The following HSPA12A variants were observed in gnomAD, a reference collection of about 807,000 sequenced individuals.
HSPA12A encodes the protein heat shock 70 kDa protein 12A.
A neutral mutation model predicts 69.2 loss-of-function variants in HSPA12A; 28 were observed. The observed-to-expected ratio is 0.40, with a 90% CI of 0.30 to 0.55. The LOEUF (loss-of-function observed/expected upper bound fraction) is 0.55, where lower values mean the gene tolerates loss of function less well. Among genes scored for constraint, HSPA12A ranks in the 20% least tolerant of loss-of-function variants. The pLI is 0.38. For synonymous variants in HSPA12A, 345 were observed against 370.5 expected (o/e 0.93, Z 0.79); for missense variants, 686 against 900.7 (o/e 0.76, Z 3.05).
intron 2 of HSPA12A, among the ~76,000 whole-genome samples, chr10:116,776,548 T>C (rs1844342904): frequency 6.6e-6 from 1 of 152,192 alleles, no homozygotes; most frequent in Non-Finnish European, 1.5e-5. Flanking sequence ...TTCAAGACTA[T>C]TGTTTTGCCT....
chr10:116,676,619 G>A, intron 10 of HSPA12A, 117 bp from the exon 11 acceptor site: 2 of 815,646 alleles, frequency 2.5e-6, no homozygotes, highest in Non-Finnish European at 2.0e-6. Flanking sequence ...GGCAGAAAGG[G>A]GGTTGAAAGC....
chr10:116,819,696 T>C (rs1022474720), intron 2 of HSPA12A, among the ~76,000 whole-genome samples: 2 of 152,202 alleles, frequency 1.3e-5, no homozygotes, highest in Non-Finnish European at 2.9e-5. Context: ...CAGGCTATGA[T>C]AGGTGGGTAA....
intron 1 of HSPA12A, among the ~76,000 whole-genome samples, chr10:116,842,103 G>T (rs1291345979): frequency 6.6e-6 from 1 of 152,142 alleles, no homozygotes; most frequent in Non-Finnish European, 1.5e-5. Flanking sequence ...CTCTTAAGCA[G>T]ATTAACTTAA....
chr10:116,675,398 C>T lies in HSPA12A; in HGVS notation c.1411G>A (p.Glu471Lys), dbSNP rs782537687. 35 of 1,598,090 alleles carry T rather than the reference C, an allele frequency of 2.2e-5. No individual in the cohort carries two copies. In the South Asian group the frequency reaches 2.2e-4, roughly 10 times the overall value. ...EHLRDLFQKPEVSTVKFLFLV... is the reference protein window; with the variant it reads ...EHLRDLFQKPKVSTVKFLFLV... The stretch of plus-strand genomic sequence containing the variant: ...AAGAGGAACTTGACGGTGGACACCT[C>T]GGGCTTCTGAAACAGGTCCCCTGGA... Residue 471 changes from glutamate (E) to lysine (K), a missense_variant, in exon 12 of 12, where the codon GAG becomes AAG. Physicochemically the swap from Glu to Lys is moderately conservative, Grantham distance 56. Transcript: ENST00000369209. This position sits in a 1 kb window ranked among gnomAD's most constrained non-coding sequence, Gnocchi z 5.2.
intron 1 of HSPA12A, among the ~76,000 whole-genome samples, chr10:116,722,627 G>A (rs1850816230): frequency 1.3e-5 from 2 of 152,066 alleles, no homozygotes; most frequent in Non-Finnish European, 2.9e-5. Flanking sequence ...CCTGTCCTGA[G>A]CCCTCCTCTG....
Position 116,674,730 on chromosome 10 carries a change from A to C in HSPA12A, c.*51T>G. On this transcript the variant is annotated 3_prime_UTR_variant, in exon 12 of 12. Transcript: ENST00000369209. ...GGAAAGAACAGTCAAGGTTGAGGTC[A>C]GCAGATGCAGATAAGTTGAGTCCAA... 1 of 1,549,082 alleles carries C rather than the reference A, an allele frequency of 6.5e-7. No individual in the cohort carries two copies. Among genetic ancestry groups the C allele is most frequent in the Non-Finnish European group, 8.7e-7 (1 of 1,144,400 alleles).
intron 2 of HSPA12A, among the ~76,000 whole-genome samples, chr10:116,780,162 C>T (rs1181039392): frequency 6.6e-6 from 1 of 152,190 alleles, no homozygotes; most frequent in Non-Finnish European, 1.5e-5. Context: ...CGCAGACCAT[C>T]TCCTCCATCC....
At chr10:116,824,700 T>C (rs1023093783) in intron 2 of HSPA12A, among the ~76,000 whole-genome samples, 2 of 152,220 alleles carry the variant, frequency 1.3e-5, no homozygotes, top group African/African-American at 4.8e-5. Flanking sequence ...AGTCGCATGA[T>C]CTCGGCTCAC....
chr10:116,700,863 A>T (rs1850058541), intron 4 of HSPA12A, 80 bp downstream of exon 4: 1 of 1,430,300 alleles, frequency 7.0e-7, no homozygotes, highest in Admixed American at 1.9e-5. Context: ...TTGGGAGGAC[A>T]TCCCTTCCCC....
Position 116,674,885 on chromosome 10 carries a change from T to A in HSPA12A, c.1924A>T (p.Ile642Phe). 2 of 1,613,736 alleles carry A rather than the reference T, an allele frequency of 1.2e-6. No individual in the cohort carries two copies. Among genetic ancestry groups the A allele is most frequent in the Non-Finnish European group, 1.7e-6 (2 of 1,179,970 alleles). The change falls in exon 12 of 12, where the codon ATC (isoleucine) becomes TTC (phenylalanine). Residue 642 changes from isoleucine to phenylalanine, a missense_variant. By Grantham distance (21) the Ile-to-Phe change is conservative. Coordinates refer to ENST00000369209, the MANE Select transcript of HSPA12A (RefSeq NM_025015.3). Reference sequence around the variant, plus strand: ...TCCCCGAACTGCATAAGGGTCTGGATCTCCCTCCGGGCGGGCACCGCAGTG... The same window carrying A: ...TCCCCGAACTGCATAAGGGTCTGGAACTCCCTCCGGGCGGGCACCGCAGTG... ...SGTAVPARRE[I>F]QTLMQFGDTE... is the part of the protein sequence containing the mutation.
At position 116,713,623 on chromosome 10, in the gene HSPA12A, C is replaced by T. The variant is rs962882570; in HGVS notation, c.41-6338G>A. On this transcript the variant is annotated intron_variant, in intron 1 of 11. Coordinates refer to ENST00000369209, the MANE Select transcript of HSPA12A (RefSeq NM_025015.3). ...GAGTTTCCCAAGACAGGAAAAGCCC[C>T]GAGTCCCTGCAATCCCAAACTGTCA... Among the ~76,000 whole-genome samples the T allele has an allele frequency of 8.6e-5, 13 of 152,046 alleles. 1 individual carries two copies. In the South Asian group the frequency reaches 1.5e-3, roughly 17 times the overall value.
At chr10:116,730,119 G>A (rs1158874373) in intron 1 of HSPA12A, among the ~76,000 whole-genome samples, 1 of 152,208 alleles carries the variant, frequency 6.6e-6, no homozygotes, top group Non-Finnish European at 1.5e-5. Context: ...GGAGGCAGAG[G>A]TTGCAGTAAG....
intron 1 of HSPA12A, among the ~76,000 whole-genome samples, chr10:116,842,339 CCT>C (rs577639611): frequency 4.3e-4 from 66 of 152,260 alleles, no homozygotes; most frequent in South Asian, 1.5e-3. Context: ...TAGGATTCTT[CCT>C]CTCTCTTCTT....
At chr10:116,768,738 C>G (rs1844134094) in intron 2 of HSPA12A, among the ~76,000 whole-genome samples, 1 of 152,146 alleles carries the variant, frequency 6.6e-6, no homozygotes, top group African/African-American at 2.4e-5. Flanking sequence ...CTGCTGGCCT[C>G]AAGTCATCCT....
chr10:116,788,186 A>G (rs1844620338), intron 2 of HSPA12A, among the ~76,000 whole-genome samples: 2 of 152,216 alleles, frequency 1.3e-5, no homozygotes, highest in South Asian at 2.1e-4. Context: ...GCAAAATTCT[A>G]GACCCCCGCA....
intron 5 of HSPA12A, among the ~76,000 whole-genome samples, chr10:116,694,729 C>T (rs1554880566): frequency 6.6e-6 from 1 of 152,198 alleles, no homozygotes; most frequent in Non-Finnish European, 1.5e-5. Flanking sequence ...CCCACAGACA[C>T]ATCCTCACGT....
intron 7 of HSPA12A, 108 bp from the exon 8 acceptor site, chr10:116,681,985 T>C: frequency 1.0e-6 from 1 of 953,280 alleles, no homozygotes; most frequent in Non-Finnish European, 1.6e-6. Context: ...GGATGGAACA[T>C]TAGTGACATT....
chr10:116,840,600 G>T (rs1845787971), intron 1 of HSPA12A, among the ~76,000 whole-genome samples: 1 of 152,174 alleles, frequency 6.6e-6, no homozygotes, highest in African/African-American at 2.4e-5. Context: ...CTCAACAAGT[G>T]TTGGCTGAGA....
chr10:116,703,258 T>G lies in HSPA12A; in HGVS notation c.254+1893A>C, dbSNP rs529655265. ...GTCTGTACCCTCTTAGGACAAGAGC[T>G]TCAGGCTGAGCCACATCTGGTTTTC... On this transcript the variant is annotated intron_variant, in intron 3 of 11. Coordinates refer to ENST00000369209, the MANE Select transcript of HSPA12A (RefSeq NM_025015.3). Among the ~76,000 whole-genome samples, 8 of 152,332 alleles carry G rather than the reference T, an allele frequency of 5.3e-5. No homozygotes were observed. In the East Asian group the frequency reaches 1.2e-3, roughly 22 times the overall value.
Sources: allele counts gnomAD v4.1 joint callset (sites outside exome capture counted in the v4.1 genomes callset), GRCh38; gene constraint gnomAD v4.1.1; non-coding constraint Gnocchi (gnomAD v3.1); transcripts MANE v1.5; gene names NCBI Gene and HGNC (gene_info 2026-07-23, HGNC 2026-07-21).